PBX1: variants seen among roughly 807,000 people sequenced by gnomAD.
PBX1 encodes the protein PBX homeobox 1, also known as pre-B-cell leukemia transcription factor 1.
PBX1 carries 6 observed loss-of-function variants against 53.4 expected under a neutral mutation model. The ratio of observed to expected loss-of-function variants is 0.11; its 90% CI spans 0.06 to 0.22. The LOEUF is 0.22. Ranked by LOEUF, PBX1 falls within the 10% of genes least tolerant of loss-of-function variation. The pLI is 1.00. For missense variants in PBX1, 251 were observed against 551.4 expected (o/e 0.46, Z 5.46); for synonymous variants, 204 against 212.3 (o/e 0.96, Z 0.34).
chr1:164,680,421 A>G (rs762648278), intron 2 of PBX1: 31 of 152,182 alleles, frequency 2.0e-4, no homozygotes, highest in Non-Finnish European at 3.7e-4. Flanking sequence ...GTGGGTACAC[A>G]TACAGGTTTT....
intron 2 of PBX1, among the ~76,000 whole-genome samples, chr1:164,753,406 GTTATC>G (rs1306043081): frequency 6.6e-6 from 1 of 151,986 alleles, no homozygotes; most frequent in East Asian, 1.9e-4. Flanking sequence ...AATTCTCCTT[GTTATC>G]TTATTTGTCT....
chr1:164,654,826 A>G (rs1245124645), intron 2 of PBX1, among the ~76,000 whole-genome samples: 2 of 152,236 alleles, frequency 1.3e-5, no homozygotes, highest in Non-Finnish European at 2.9e-5. Context: ...CTATTCATTC[A>G]GCAGCATTTA....
intron 2 of PBX1, among the ~76,000 whole-genome samples, chr1:164,857,355 A>C (rs1174953844): frequency 6.6e-6 from 1 of 152,176 alleles, no homozygotes; most frequent in East Asian, 1.9e-4. Flanking sequence ...TCCTAAGCAC[A>C]GGAGCCTCTA....
intron 2 of PBX1, among the ~76,000 whole-genome samples, chr1:164,706,603 T>A (rs2102061862): frequency 6.6e-6 from 1 of 152,356 alleles, no homozygotes; most frequent in East Asian, 1.9e-4. Context: ...GATATACCTT[T>A]TTTTGAACAT....
At chr1:164,620,239 ATTAAGGTACT>A (rs1375014325) in intron 2 of PBX1, among the ~76,000 whole-genome samples, 1 of 152,164 alleles carries the variant, frequency 6.6e-6, no homozygotes, top group Non-Finnish European at 1.5e-5. Context: ...AAAAATTTGT[ATTAAGGTACT>A]TTAAAAACAC....
chr1:164,752,207 TGTGTGTG>T, intron 2 of PBX1, among the ~76,000 whole-genome samples: 1 of 2,074 alleles, frequency 4.8e-4, no homozygotes. Context: ...TTTAAGGTTT[TGTGTGTG>T]TGTGTGTGTG....
chr1:164,687,602 A>G (rs796761195), intron 2 of PBX1, among the ~76,000 whole-genome samples: 18 of 150,152 alleles, frequency 1.2e-4, no homozygotes, highest in African/African-American at 4.2e-4. Flanking sequence ...TTTAGTGTCT[A>G]GCTTCTGGTC....
intron 2 of PBX1, among the ~76,000 whole-genome samples, chr1:164,881,661 AG>A (rs1335248388): frequency 1.4e-5 from 2 of 141,542 alleles, no homozygotes; most frequent in Admixed American, 7.0e-5. Context: ...AAAAAGAGGA[AG>A]GAAGGAGAGA....
rs76638394 is a variant in PBX1, at chr1:164,872,234, G to T, written n.258-26954G>T. On this transcript the variant is annotated intron_variant and non_coding_transcript_variant, in intron 2 of 2. Coordinates refer to the PBX1 transcript ENST00000558796. ...CAGGCAATCCTGCAGCCTTGGCCCCGACCATTCCAGTGGTGGGGAGTTCAC... is the reference window on the plus strand; with the variant it reads ...CAGGCAATCCTGCAGCCTTGGCCCCTACCATTCCAGTGGTGGGGAGTTCAC... Among the ~76,000 whole-genome samples the T allele has an allele frequency of 7.6e-3, 1,164 of 152,302 alleles. 7 individuals carry two copies. Among genetic ancestry groups the T allele is most frequent in the Non-Finnish European group, 0.01 (692 of 68,030 alleles).
intron 2 of PBX1, among the ~76,000 whole-genome samples, chr1:164,760,845 C>T (rs953054537): frequency 6.6e-6 from 1 of 152,212 alleles, no homozygotes; most frequent in African/African-American, 2.4e-5. Context: ...GTAAGAATTT[C>T]TCAAACTGCC....
chr1:164,638,932 T>TC (rs35377048), intron 2 of PBX1, among the ~76,000 whole-genome samples: 1 of 152,124 alleles, frequency 6.6e-6, no homozygotes, highest in Non-Finnish European at 1.5e-5. Context: ...GTGTGCAGAC[T>TC]CCCCCTACCC....
chr1:164,735,970 A>G (rs1214091855), intron 2 of PBX1, among the ~76,000 whole-genome samples: 1 of 152,176 alleles, frequency 6.6e-6, no homozygotes, highest in African/African-American at 2.4e-5. Context: ...TTGTTTGCTC[A>G]GGAGTCATTG....
Position 164,569,658 on chromosome 1 carries a change from A to G in PBX1, c.265+6347A>G, listed in dbSNP as rs115990736. On this transcript the variant is annotated intron_variant, in intron 2 of 8. Transcript: ENST00000420696. ...GTGATCTCGGCCCACTGAAACCTCT[A>G]TCCCTGGGTTCAAGCGATTCTCCTG... Among the ~76,000 whole-genome samples the G allele has an allele frequency of 3.6e-3, 464 of 128,184 alleles. 5 individuals are homozygous for G. Among genetic ancestry groups the G allele is most frequent in the African/African-American group, 0.014 (447 of 32,636 alleles). 84.1% of individuals were successfully genotyped at this position (128,184 alleles called of 152,430 possible).
Position 164,842,751 on chromosome 1 carries a change from A to G in PBX1, c.1201-3833A>G, listed in dbSNP as rs188400847. ...ATTAAAAGTGTACCTTTGGTTTTGC[A>G]GATTTTACCTCCCACCCTGTGACCC... On this transcript the variant is annotated intron_variant, in intron 8 of 8. Transcript: ENST00000420696. 3.3e-5 allele frequency among the ~76,000 whole-genome samples: 5 copies of G among 152,300 alleles called. No individual in the cohort carries two copies. In the East Asian group the frequency reaches 9.6e-4, roughly 29 times the overall value.
At chr1:164,737,302 A>T (rs1665347912) in intron 2 of PBX1, among the ~76,000 whole-genome samples, 1 of 152,212 alleles carries the variant, frequency 6.6e-6, no homozygotes, top group African/African-American at 2.4e-5. Context: ...ATAAAAAACT[A>T]AATTAGGATG....
At chr1:164,728,822 C>T (rs1247070214) in intron 2 of PBX1, among the ~76,000 whole-genome samples, 2 of 152,162 alleles carry the variant, frequency 1.3e-5, no homozygotes, top group East Asian at 1.9e-4. Flanking sequence ...CCCCACCCAC[C>T]GCAACATATT....
In PBX1 at chr1:164,796,255, G is replaced by A. The variant is rs368583887; in HGVS notation, c.511-3444G>A. ...CGAGCTCCTGACATCGTGTTCACCC[G>A]CCTCAGACTCCCAAAGTGCTAGGAT... is the stretch of plus-strand genomic sequence containing the variant. On this transcript the variant is annotated intron_variant, in intron 3 of 8. Transcript: ENST00000420696. 3.5e-3 allele frequency among the ~76,000 whole-genome samples: 527 copies of A among 152,204 alleles called. 4 individuals are homozygous for A. The highest frequency in any genetic ancestry group is 6.4e-3 in the Non-Finnish European group (438 of 67,994).
chr1:164,757,409 A>G (rs191396568), intron 2 of PBX1, among the ~76,000 whole-genome samples: 1 of 152,194 alleles, frequency 6.6e-6, no homozygotes, highest in East Asian at 1.9e-4. Context: ...TATCTATTCA[A>G]CTCACTGACG....
intron 2 of PBX1, among the ~76,000 whole-genome samples, chr1:164,604,649 C>T (rs1656431171): frequency 6.6e-6 from 1 of 152,146 alleles, no homozygotes; most frequent in African/African-American, 2.4e-5. Flanking sequence ...TAATAAATAA[C>T]TTATCAAAAT....
Sources: gnomAD v4.1 joint callset for allele counts (sites outside exome capture counted in the v4.1 genomes callset) on GRCh38, gnomAD v4.1.1 for gene constraint, MANE v1.5 for transcripts, NCBI Gene and HGNC (gene_info 2026-07-23, HGNC 2026-07-21) for gene names.